IMMP2L: variants seen among roughly 807,000 people sequenced by gnomAD.
IMMP2L encodes the protein inner mitochondrial membrane peptidase subunit 2.
Under a neutral mutation model 19.3 loss-of-function variants are expected in IMMP2L, and 18 were observed. The ratio of observed to expected loss-of-function variants is 0.93; its 90% CI spans 0.64 to 1.38. The LOEUF (loss-of-function observed/expected upper bound fraction) is 1.38. Ranked by LOEUF, IMMP2L falls within the 40% of genes most tolerant of loss-of-function variation. The probability of loss-of-function intolerance (pLI) is 0.00; values close to 1 mark genes in which losing one functional copy is unlikely to be tolerated. For missense variants in IMMP2L, 233 were observed against 218.2 expected (o/e 1.07, Z -0.43); for synonymous variants, 76 against 73.0 (o/e 1.04, Z -0.21).
chr7:111,180,460 G>A (rs890227457), intron 3 of IMMP2L, among the ~76,000 whole-genome samples: 1 of 151,970 alleles, frequency 6.6e-6, no homozygotes, highest in African/African-American at 2.4e-5. Flanking sequence ...ACATGGGTGA[G>A]GTTTGTGGTG....
rs139829645 is a variant in IMMP2L at position 111,219,110 on chromosome 7, T to C, written c.240-255545A>G. On this transcript the variant is annotated intron_variant, in intron 3 of 5. Transcript: ENST00000405709. Reference sequence around the variant, plus strand: ...GCTAACAAAATCAACTATTGATGTATGTTATACTATTTGGGTTTAGCTGTT... The same window carrying C: ...GCTAACAAAATCAACTATTGATGTACGTTATACTATTTGGGTTTAGCTGTT... Among the ~76,000 whole-genome samples, 210 of 152,174 alleles carry C rather than the reference T, an allele frequency of 1.4e-3. 1 individual carries two copies. Among genetic ancestry groups the C allele is most frequent in the African/African-American group, 4.8e-3 (200 of 41,552 alleles).
At chr7:111,160,684 AAAATAATAAC>A (rs1284904072) in intron 3 of IMMP2L, among the ~76,000 whole-genome samples, 1 of 151,534 alleles carries the variant, frequency 6.6e-6, no homozygotes, top group Non-Finnish European at 1.5e-5. Flanking sequence ...AAGGTAATTG[AAAATAATAAC>A]AAAGATATGA....
chr7:111,304,088 CTAAT>C (rs1354396589), intron 3 of IMMP2L, among the ~76,000 whole-genome samples: 14 of 152,032 alleles, frequency 9.2e-5, no homozygotes, highest in Non-Finnish European at 1.6e-4. Context: ...ATTGAAGAAA[CTAAT>C]TATTCATAAC....
intron 5 of IMMP2L, among the ~76,000 whole-genome samples, chr7:110,765,123 C>G (rs1028214602): frequency 1.3e-5 from 2 of 151,994 alleles, no homozygotes; most frequent in Non-Finnish European, 2.9e-5. Context: ...GAATAGATAG[C>G]AAAATCAAGA....
chr7:111,504,665 C>T (rs1459046562), intron 2 of IMMP2L, among the ~76,000 whole-genome samples: 4 of 152,212 alleles, frequency 2.6e-5, no homozygotes. Flanking sequence ...AGAAATAATG[C>T]CGCATATCTA....
chr7:111,487,396 G>C, intron 2 of IMMP2L, 55 bp from the exon 3 acceptor site: 1 of 1,053,734 alleles, frequency 9.5e-7, no homozygotes. Context: ...CAATCTTCAT[G>C]GTTCTTGCAC....
At chr7:110,801,403 C>T (rs1207981480) in intron 5 of IMMP2L, among the ~76,000 whole-genome samples, 2 of 152,116 alleles carry the variant, frequency 1.3e-5, no homozygotes, top group Non-Finnish European at 1.5e-5. Context: ...ACTAGATTTT[C>T]CAAATATGTG....
At chr7:110,976,747 T>A (rs573568986) in intron 3 of IMMP2L, among the ~76,000 whole-genome samples, 1 of 152,096 alleles carries the variant, frequency 6.6e-6, no homozygotes, top group South Asian at 2.1e-4. Flanking sequence ...CCACCTTTGA[T>A]AGGCACAGTT....
At chr7:110,971,439 C>G (rs1820134363) in intron 3 of IMMP2L, among the ~76,000 whole-genome samples, 1 of 152,042 alleles carries the variant, frequency 6.6e-6, no homozygotes, top group African/African-American at 2.4e-5. Flanking sequence ...AGTAAAGGAA[C>G]CTTTACAACT....
intron 3 of IMMP2L, among the ~76,000 whole-genome samples, chr7:111,050,348 T>C (rs1367270550): frequency 1.3e-5 from 2 of 152,166 alleles, no homozygotes; most frequent in African/African-American, 4.8e-5. Context: ...TGTATCAATC[T>C]CTAGGAGCTT....
chr7:111,391,452 G>A (rs1426684195), intron 3 of IMMP2L, among the ~76,000 whole-genome samples: 1 of 152,062 alleles, frequency 6.6e-6, no homozygotes, highest in East Asian at 1.9e-4. Flanking sequence ...AGTGCAGAAA[G>A]GATTATCGTA....
intron 3 of IMMP2L, among the ~76,000 whole-genome samples, chr7:111,127,128 A>G (rs1801391183): frequency 6.6e-6 from 1 of 152,234 alleles, no homozygotes; most frequent in Non-Finnish European, 1.5e-5. Context: ...TCTCAAACAC[A>G]AATTTTACAA....
intron 4 of IMMP2L, among the ~76,000 whole-genome samples, chr7:110,926,581 A>G (rs1412106336): frequency 6.6e-6 from 1 of 152,098 alleles, no homozygotes; most frequent in Non-Finnish European, 1.5e-5. Flanking sequence ...TGGAACATCA[A>G]TTAAAGGATG....
At chr7:111,226,639 C>T (rs1466348577) in intron 3 of IMMP2L, among the ~76,000 whole-genome samples, 1 of 151,998 alleles carries the variant, frequency 6.6e-6, no homozygotes, top group East Asian at 1.9e-4. Flanking sequence ...ATGGGGGAGA[C>T]AATGTAAAAT....
chr7:111,088,568 T>A (rs1476310593), intron 3 of IMMP2L, among the ~76,000 whole-genome samples: 1 of 152,100 alleles, frequency 6.6e-6, no homozygotes, highest in Non-Finnish European at 1.5e-5. Context: ...TAGGGTAATA[T>A]GGTGGAAAAA....
At chr7:110,744,146 G>A (rs758382751) in intron 5 of IMMP2L, among the ~76,000 whole-genome samples, 34 of 152,160 alleles carry the variant, frequency 2.2e-4, no homozygotes, top group African/African-American at 4.1e-4. Flanking sequence ...CCACCAGGAC[G>A]TTCGAACTGG....
At chr7:111,084,243 A>C in intron 3 of IMMP2L, among the ~76,000 whole-genome samples, 1 of 151,836 alleles carries the variant, frequency 6.6e-6, no homozygotes. Flanking sequence ...GATATGAGGC[A>C]CAAGATCCAA....
At chr7:111,298,256 C>G (rs889698388) in intron 3 of IMMP2L, among the ~76,000 whole-genome samples, 3 of 152,078 alleles carry the variant, frequency 2.0e-5, no homozygotes, top group African/African-American at 7.2e-5. Flanking sequence ...TAGAACCAGA[C>G]AGCCTCAGCT....
chr7:110,738,406 AT>A (rs1260260582), intron 5 of IMMP2L, among the ~76,000 whole-genome samples: 1 of 152,216 alleles, frequency 6.6e-6, no homozygotes, highest in Non-Finnish European at 1.5e-5. Context: ...ACTTAGAGAA[AT>A]GCAAAATGCA....
Sources: gnomAD v4.1 joint callset for allele counts (sites outside exome capture counted in the v4.1 genomes callset) on GRCh38, gnomAD v4.1.1 for gene constraint, MANE v1.5 for transcripts, NCBI Gene and HGNC (gene_info 2026-07-23, HGNC 2026-07-21) for gene names.